Variants in IL1RAPL2 observed in about 807,000 individuals in gnomAD.
The protein encoded by IL1RAPL2 is interleukin 1 receptor accessory protein like 2.
Under a neutral mutation model 44.1 loss-of-function variants are expected in IL1RAPL2, and 3 were observed. The observed-to-expected ratio is 0.07, with a 90% CI of 0.03 to 0.18. IL1RAPL2 has a LOEUF of 0.18. Among genes scored for constraint, IL1RAPL2 ranks in the 10% least tolerant of loss-of-function variants. The probability of loss-of-function intolerance (pLI) is 1.00; values close to 1 mark genes in which losing one functional copy is unlikely to be tolerated. For synonymous variants in IL1RAPL2, 181 were observed against 178.8 expected (o/e 1.01, Z -0.10); for missense variants, 391 against 496.4 (o/e 0.79, Z 2.02).
intron 4 of IL1RAPL2, among the ~76,000 whole-genome samples, chrX:105,261,257 T>C (rs1477048338): frequency 3.6e-5 from 4 of 112,126 alleles, no homozygotes; most frequent in Non-Finnish European, 7.5e-5. Context: ...TGCTTCCAGG[T>C]GGGCCGTCAT....
intron 2 of IL1RAPL2, among the ~76,000 whole-genome samples, chrX:104,708,569 A>G (rs753886556): frequency 9.3e-4 from 104 of 111,448 alleles, no homozygotes; most frequent in African/African-American, 3.3e-3. Context: ...ATTTTTAATT[A>G]GAGCAGGACA....
intron 4 of IL1RAPL2, among the ~76,000 whole-genome samples, chrX:105,235,353 T>G (rs1258236563): frequency 1.8e-5 from 2 of 111,857 alleles, no homozygotes; most frequent in African/African-American, 6.5e-5. Context: ...CACTGAAGTT[T>G]TATGATGTGA....
intron 2 of IL1RAPL2, among the ~76,000 whole-genome samples, chrX:104,824,777 T>TAA (rs1921405336): frequency 8.9e-6 from 1 of 112,017 alleles, no homozygotes; most frequent in Admixed American, 9.5e-5. Flanking sequence ...TCTTCTCTCT[T>TAA]TTCTTCTTTA....
intron 2 of IL1RAPL2, among the ~76,000 whole-genome samples, chrX:105,194,171 G>T (rs1556139091): frequency 8.9e-6 from 1 of 111,986 alleles, no homozygotes; most frequent in African/African-American, 3.3e-5. Context: ...TATAGAGAAA[G>T]TGAAATCCTG....
intron 2 of IL1RAPL2, among the ~76,000 whole-genome samples, chrX:104,798,501 A>T (rs5916832): frequency 8.1e-5 from 3 of 37,232 alleles, no homozygotes; most frequent in African/African-American, 2.9e-4. Context: ...TACTAAAAAT[A>T]AAAAAAAAAA....
chrX:104,705,926 A>G (rs1191413184), intron 2 of IL1RAPL2, among the ~76,000 whole-genome samples: 1 of 112,063 alleles, frequency 8.9e-6, no homozygotes, highest in Non-Finnish European at 1.9e-5. Flanking sequence ...GACTTGCATT[A>G]AGTAGGTGCT....
At chrX:105,071,611 C>A (rs59503351) in intron 2 of IL1RAPL2, among the ~76,000 whole-genome samples, 7,031 of 111,705 alleles carry the variant, frequency 0.063, 602 homozygotes, top group African/African-American at 0.22. Context: ...TCTATCTGAT[C>A]TGAAAATTTA....
intron 2 of IL1RAPL2, among the ~76,000 whole-genome samples, chrX:104,929,479 A>G (rs1055669481): frequency 3.6e-5 from 4 of 111,724 alleles, no homozygotes; most frequent in African/African-American, 1.3e-4. Context: ...CAATGTCAAC[A>G]TACATTCTCA....
chrX:104,887,316 G>A (rs1490849354), intron 2 of IL1RAPL2, among the ~76,000 whole-genome samples: 2 of 112,025 alleles, frequency 1.8e-5, no homozygotes, highest in Admixed American at 9.4e-5. Flanking sequence ...CTTCCCACAC[G>A]GCAAAACTTC....
At chrX:105,760,894 C>T (rs1335181789) in intron 10 of IL1RAPL2, among the ~76,000 whole-genome samples, 1 of 111,290 alleles carries the variant, frequency 9.0e-6, no homozygotes, top group Non-Finnish European at 1.9e-5. Flanking sequence ...TAGAAAGGCT[C>T]CCAGCCAGGC....
intron 5 of IL1RAPL2, among the ~76,000 whole-genome samples, chrX:105,388,499 A>G (rs1274478346): frequency 9.2e-6 from 1 of 109,077 alleles, no homozygotes; most frequent in Non-Finnish European, 1.9e-5. Context: ...ATTAGTGAAT[A>G]CATCTTTATA....
At chrX:104,808,537 A>G (rs1255816242) in intron 2 of IL1RAPL2, among the ~76,000 whole-genome samples, 1 of 111,373 alleles carries the variant, frequency 9.0e-6, no homozygotes, top group East Asian at 2.8e-4. Flanking sequence ...AGGTGGTAAC[A>G]TGACAACTGG....
Position 104,855,681 on chromosome X carries a change from G to GTGTTTTTTTTTTT in IL1RAPL2, c.82+196687_82+196688insGTTTTTTTTTTTT. ...TTAACTGTGCTAAGGATCTGGATCC[G>GTGTTTTTTTTTTT]TTTTTTTTTTTTTTTTTACTGTATC... On this transcript the variant is annotated intron_variant, in intron 2 of 10. Transcript: ENST00000372582. Among the ~76,000 whole-genome samples the GTGTTTTTTTTTTT allele has an allele frequency of 4.4e-3, 239 of 53,840 alleles. 44 individuals are homozygous for GTGTTTTTTTTTTT. The East Asian group carries it at 0.061, about 14-fold the overall frequency. The allele number at this position is 53,840 out of a possible 115,157, so 46.8% of individuals were successfully genotyped here.
intron 2 of IL1RAPL2, among the ~76,000 whole-genome samples, chrX:104,910,373 CCT>C (rs1364946905): frequency 8.9e-6 from 1 of 112,095 alleles, no homozygotes; most frequent in African/African-American, 3.2e-5. Flanking sequence ...CATCTTGGCT[CCT>C]CTCTAAATTA....
At position 105,558,880 on chromosome X, in the gene IL1RAPL2, G is replaced by T. The variant is rs896375881; in HGVS notation, c.772+74493G>T. On this transcript the variant is annotated intron_variant, in intron 6 of 10. Transcript: ENST00000372582. ...CAAATAATCACACAAAATAGATTTG[G>T]GAAGTTTGTGTTTTAATTAAATCTG... Among the ~76,000 whole-genome samples the T allele has an allele frequency of 4.5e-5, 5 of 111,465 alleles. 1 individual carries two copies. The highest frequency in any genetic ancestry group is 9.5e-5 in the Admixed American group (1 of 10,477).
At chrX:105,220,660 G>A in intron 3 of IL1RAPL2, 1 of 292,852 alleles carries the variant, frequency 3.4e-6, no homozygotes, top group Non-Finnish European at 6.0e-6. Flanking sequence ...GAAGAGAGAG[G>A]AAGATCTCTC....
chrX:105,534,304 G>A (rs995568463), intron 6 of IL1RAPL2, among the ~76,000 whole-genome samples: 1 of 111,616 alleles, frequency 9.0e-6, no homozygotes, highest in Non-Finnish European at 1.9e-5. Flanking sequence ...AAAGCAGAAA[G>A]AATGAATAAT....
At chrX:105,393,831 T>A (rs779662032) in intron 5 of IL1RAPL2, among the ~76,000 whole-genome samples, 3 of 111,890 alleles carry the variant, frequency 2.7e-5, no homozygotes, top group Admixed American at 9.5e-5. Flanking sequence ...CTTTGACATA[T>A]CTCTTCTCAT....
At position 104,783,867 on chromosome X, in the gene IL1RAPL2, C is replaced by T. The variant is rs771856328; in HGVS notation, c.82+124872C>T. On this transcript the variant is annotated intron_variant, in intron 2 of 10. Transcript: ENST00000372582. ...TTTATCCTCTTGCATTTAATGGGAA[C>T]CTTTCTTGGCAAGGATGGACAGTTG... 2.0e-3 allele frequency among the ~76,000 whole-genome samples: 223 copies of T among 109,928 alleles called. 2 individuals carry two copies. Among genetic ancestry groups the T allele is most frequent in the African/African-American group, 6.9e-3 (209 of 30,256 alleles).
Sources: gnomAD v4.1 joint callset for allele counts (sites outside exome capture counted in the v4.1 genomes callset) on GRCh38, gnomAD v4.1.1 for gene constraint, MANE v1.5 for transcripts, NCBI Gene and HGNC (gene_info 2026-07-23, HGNC 2026-07-21) for gene names.